Variants in DRC8 observed in about 807,000 individuals in gnomAD.
The protein encoded by DRC8 is dynein regulatory complex subunit 8, also known as dynein regulatory complex protein 8.
the DRC8 span, among the ~76,000 whole-genome samples, chr1:244,997,688 C>A: frequency 1.2e-4 from 18 of 151,598 alleles, no homozygotes; most frequent in African/African-American, 4.1e-4. Context: ...GGATTACAGG[C>A]GCCCTCCACG....
chr1:244,976,102 C>G, the DRC8 span, among the ~76,000 whole-genome samples: 1 of 151,816 alleles, frequency 6.6e-6, no homozygotes, highest in African/African-American at 2.4e-5. Context: ...AACGCTCTCT[C>G]TACGAAAAAT....
chr1:245,052,065 A>G, the DRC8 span, among the ~76,000 whole-genome samples: 3 of 151,886 alleles, frequency 2.0e-5, no homozygotes, highest in Non-Finnish European at 4.4e-5. Context: ...AGTGGGTGAT[A>G]AGGACGTTTT....
At chr1:245,116,403 A>AACAAT in the DRC8 span, among the ~76,000 whole-genome samples, 1 of 152,052 alleles carries the variant, frequency 6.6e-6, no homozygotes, top group Non-Finnish European at 1.5e-5. Flanking sequence ...AACAAAACAA[A>AACAAT]ACAAAACAAA....
chr1:245,070,958 C>G, the DRC8 span, among the ~76,000 whole-genome samples: 5 of 152,166 alleles, frequency 3.3e-5, no homozygotes, highest in Non-Finnish European at 7.3e-5. Flanking sequence ...GTGCTCATCC[C>G]CTCTGGGGGC....
chr1:245,008,197 C>T, the DRC8 span, among the ~76,000 whole-genome samples: 1 of 151,920 alleles, frequency 6.6e-6, no homozygotes, highest in Non-Finnish European at 1.5e-5. Flanking sequence ...CAAACAAAAA[C>T]CCTGAGCATG....
the DRC8 span, among the ~76,000 whole-genome samples, chr1:244,994,041 T>C: frequency 2.0e-5 from 3 of 152,194 alleles, no homozygotes; most frequent in South Asian, 4.1e-4. Context: ...CTGGCAAGTA[T>C]TGGACATTTA....
chr1:244,985,880 C>T, the DRC8 span, among the ~76,000 whole-genome samples: 27 of 150,566 alleles, frequency 1.8e-4, no homozygotes, highest in South Asian at 6.4e-4. Context: ...AAAAAAAATA[C>T]ATAATTGTTA....
the DRC8 span, among the ~76,000 whole-genome samples, chr1:245,058,731 C>T: frequency 5.9e-5 from 9 of 152,182 alleles, no homozygotes; most frequent in South Asian, 2.1e-4. Context: ...AATTGAACTA[C>T]GTTATGATGG....
At chr1:245,065,799 GA>G in the DRC8 span, among the ~76,000 whole-genome samples, 2 of 151,622 alleles carry the variant, frequency 1.3e-5, no homozygotes, top group Non-Finnish European at 2.9e-5. Flanking sequence ...CTTTGGAATA[GA>G]GTGTTCAGTC....
the DRC8 span, among the ~76,000 whole-genome samples, chr1:245,058,359 TATTA>T: frequency 6.6e-6 from 1 of 152,220 alleles, no homozygotes; most frequent in Admixed American, 6.5e-5. Flanking sequence ...GCCCTTCATT[TATTA>T]AGAAGGAAGA....
chr1:245,080,959 C>T, the DRC8 span, among the ~76,000 whole-genome samples: 1 of 152,158 alleles, frequency 6.6e-6, no homozygotes, highest in African/African-American at 2.4e-5. Flanking sequence ...AGCAGAGAGT[C>T]TTCGCGTATT....
At chr1:244,974,599 CAG>C in the DRC8 span, among the ~76,000 whole-genome samples, 2 of 152,184 alleles carry the variant, frequency 1.3e-5, no homozygotes, top group African/African-American at 4.8e-5. Flanking sequence ...AAGTAAAAAA[CAG>C]AAATTTCAGG....
chr1:245,082,972 G>T, the DRC8 span, among the ~76,000 whole-genome samples: 1 of 152,038 alleles, frequency 6.6e-6, no homozygotes, highest in African/African-American at 2.4e-5. Flanking sequence ...GCCTCCCAAA[G>T]TGCTGGGATT....
At chr1:244,970,468 G>A in the DRC8 span, 2 of 1,523,358 alleles carry the variant, frequency 1.3e-6, no homozygotes, top group Non-Finnish European at 1.8e-6. Flanking sequence ...CCGGGGAGCC[G>A]CTGCCCTCGC....
At chr1:245,113,462 C>T in the DRC8 span, among the ~76,000 whole-genome samples, 1 of 152,158 alleles carries the variant, frequency 6.6e-6, no homozygotes, top group African/African-American at 2.4e-5. Context: ...CCGCTGTGTG[C>T]TCTGCACTGT....
At chr1:245,104,490 C>G in the DRC8 span, among the ~76,000 whole-genome samples, 2,450 of 146,258 alleles carry the variant, frequency 0.017, 31 homozygotes, top group Non-Finnish European at 0.02. Context: ...GGGGACAGAT[C>G]GAGACTCTGT....
the DRC8 span, among the ~76,000 whole-genome samples, chr1:244,975,905 A>G: frequency 1.3e-5 from 2 of 152,108 alleles, no homozygotes; most frequent in Admixed American, 6.6e-5. Context: ...AGGAATGCTG[A>G]ATAAATGGGA....
the DRC8 span, chr1:245,087,111 C>T: frequency 7.6e-7 from 1 of 1,311,446 alleles, no homozygotes; most frequent in Non-Finnish European, 1.0e-6. Flanking sequence ...GATGTCCTGG[C>T]TCTACAGCTC....
the DRC8 span, among the ~76,000 whole-genome samples, chr1:245,082,420 G>A: frequency 3.9e-5 from 6 of 152,276 alleles, no homozygotes; most frequent in East Asian, 1.9e-4. Flanking sequence ...AACATTCTTA[G>A]TATCTTCTGT....
Sources: allele counts gnomAD v4.1 joint callset (sites outside exome capture counted in the v4.1 genomes callset), GRCh38; gene constraint gnomAD v4.1.1; transcripts MANE v1.5; gene names NCBI Gene and HGNC (gene_info 2026-07-23, HGNC 2026-07-21).